TPRG1: variants seen among roughly 807,000 people sequenced by gnomAD.
TPRG1 encodes tumor protein p63 regulated 1, also known as tumor protein p63-regulated gene 1 protein.
Under a neutral mutation model 29.3 loss-of-function variants are expected in TPRG1, and 29 were observed. The observed-to-expected ratio is 0.99, with a 90% CI of 0.74 to 1.35. TPRG1 has a LOEUF of 1.35. TPRG1 is among the 40% of genes most tolerant of loss of function. The pLI, the probability that TPRG1 is intolerant of heterozygous loss-of-function variation, is 0.00. For missense variants in TPRG1, 327 were observed against 335.0 expected (o/e 0.98, Z 0.19); for synonymous variants, 130 against 116.8 (o/e 1.11, Z -0.73).
At chr3:189,042,951 A>G (rs1220824706) in intron 4 of TPRG1, among the ~76,000 whole-genome samples, 1 of 152,150 alleles carries the variant, frequency 6.6e-6, no homozygotes, top group Non-Finnish European at 1.5e-5. Flanking sequence ...AGCTGAAACA[A>G]GCTAGAGTAA....
At chr3:189,186,992 T>TTG (rs10643626) in intron 1 of TPRG1, among the ~76,000 whole-genome samples, 16,390 of 141,626 alleles carry the variant, frequency 0.12, 1,258 homozygotes, top group African/African-American at 0.19. Context: ...AGTGTTTTTT[T>TTG]TTTTTTTTTT....
intron 5 of TPRG1, among the ~76,000 whole-genome samples, chr3:189,165,552 G>T (rs557861660): frequency 8.7e-4 from 132 of 151,970 alleles, no homozygotes; most frequent in Non-Finnish European, 1.7e-3. Context: ...TTAATATGAG[G>T]TTCTCAGGCA....
upstream of TPRG1, among the ~76,000 whole-genome samples, chr3:189,097,882 T>G (rs1031085455): frequency 1.3e-5 from 2 of 152,126 alleles, no homozygotes; most frequent in Non-Finnish European, 2.9e-5. Flanking sequence ...ATTTGAGAAC[T>G]ACTGATGGAA....
At chr3:189,260,571 T>C (rs924105043) in intron 4 of TPRG1, among the ~76,000 whole-genome samples, 2 of 152,222 alleles carry the variant, frequency 1.3e-5, no homozygotes, top group African/African-American at 4.8e-5. Context: ...TGCTGTCACA[T>C]TGATATGCCA....
At chr3:189,174,660 T>C (rs1449523697) in intron 1 of TPRG1, among the ~76,000 whole-genome samples, 3 of 152,206 alleles carry the variant, frequency 2.0e-5, no homozygotes, top group Non-Finnish European at 2.9e-5. Context: ...AGATATAGGA[T>C]ATATGATGAC....
intron 4 of TPRG1, among the ~76,000 whole-genome samples, chr3:189,305,218 T>G (rs1428872299): frequency 6.6e-6 from 1 of 152,186 alleles, no homozygotes. Flanking sequence ...GCCAGCTATG[T>G]TGCCCTATGC....
At chr3:189,212,286 C>T (rs1342318886) in intron 2 of TPRG1, 1 of 152,108 alleles carries the variant, frequency 6.6e-6, no homozygotes, top group Non-Finnish European at 1.5e-5. Context: ...CTATTGTGAG[C>T]AACGAGATTT....
intron 4 of TPRG1, among the ~76,000 whole-genome samples, chr3:189,268,709 CTAGTCTT>C (rs1186213970): frequency 6.6e-6 from 1 of 152,164 alleles, no homozygotes; most frequent in Non-Finnish European, 1.5e-5. Flanking sequence ...GGAAGGGCTC[CTAGTCTT>C]TAGCGTCGTA....
At chr3:189,297,243 A>G (rs1720094859) in intron 4 of TPRG1, among the ~76,000 whole-genome samples, 1 of 151,902 alleles carries the variant, frequency 6.6e-6, no homozygotes, top group Non-Finnish European at 1.5e-5. Context: ...ATCATCCCAA[A>G]GTGCTGGGAT....
intron 4 of TPRG1, among the ~76,000 whole-genome samples, chr3:189,034,818 C>A (rs1419504184): frequency 6.6e-6 from 1 of 152,074 alleles, no homozygotes; most frequent in Non-Finnish European, 1.5e-5. Flanking sequence ...ACATTCCATG[C>A]TCATTTATAA....
At chr3:189,046,182 T>C (rs909798110) in intron 4 of TPRG1, among the ~76,000 whole-genome samples, 7 of 152,184 alleles carry the variant, frequency 4.6e-5, no homozygotes, top group African/African-American at 1.7e-4. Context: ...GGGCCAATGG[T>C]TCTTCCTGTG....
intron 3 of TPRG1, among the ~76,000 whole-genome samples, chr3:189,015,118 G>T (rs923790465): frequency 6.6e-6 from 1 of 152,156 alleles, no homozygotes; most frequent in East Asian, 1.9e-4. Context: ...CCAGGGCGAG[G>T]TGTTCTCAGG....
intron 4 of TPRG1, among the ~76,000 whole-genome samples, chr3:189,071,729 T>G (rs113214741): frequency 2.0e-5 from 3 of 152,364 alleles, no homozygotes; most frequent in African/African-American, 7.2e-5. Context: ...ATGCACTTAC[T>G]GCCAACGATT....
At chr3:189,009,292 C>A (rs547388879) in intron 3 of TPRG1, among the ~76,000 whole-genome samples, 1 of 152,152 alleles carries the variant, frequency 6.6e-6, no homozygotes, top group South Asian at 2.1e-4. Flanking sequence ...GAAAACTTAA[C>A]CCTATTAACT....
At chr3:189,114,980 A>G (rs1720999569) in intron 1 of TPRG1, among the ~76,000 whole-genome samples, 1 of 152,174 alleles carries the variant, frequency 6.6e-6, no homozygotes, top group Non-Finnish European at 1.5e-5. Context: ...TAAAGTAGGA[A>G]TTTCTGTTTT....
At chr3:189,133,572 AC>A (rs1473059374) in intron 3 of TPRG1, among the ~76,000 whole-genome samples, 1 of 152,114 alleles carries the variant, frequency 6.6e-6, no homozygotes, top group African/African-American at 2.4e-5. Flanking sequence ...CTCTCCTGCC[AC>A]CATGTGCAGA....
At chr3:189,163,952 A>T (rs1245889634) in intron 5 of TPRG1, among the ~76,000 whole-genome samples, 2 of 113,180 alleles carry the variant, frequency 1.8e-5, no homozygotes, top group African/African-American at 1.1e-4. Context: ...GTTCTCAAAA[A>T]ATATGCATTT....
chr3:189,130,909 A>G (rs575970486), intron 2 of TPRG1, among the ~76,000 whole-genome samples: 2 of 152,318 alleles, frequency 1.3e-5, no homozygotes, highest in South Asian at 2.1e-4. Context: ...GTTCAGGGCC[A>G]TATGTGATTT....
chr3:189,043,889 C>T (rs1232316960), intron 4 of TPRG1, among the ~76,000 whole-genome samples: 3 of 152,200 alleles, frequency 2.0e-5, no homozygotes, highest in African/African-American at 4.8e-5. Context: ...TCTCTCGAGA[C>T]GATGAGGTCT....
Sources: gnomAD v4.1 joint callset for allele counts (sites outside exome capture counted in the v4.1 genomes callset) on GRCh38, gnomAD v4.1.1 for gene constraint, MANE v1.5 for transcripts, NCBI Gene and HGNC (gene_info 2026-07-23, HGNC 2026-07-21) for gene names.